ZC3H18: variants seen among roughly 807,000 people sequenced by gnomAD.
ZC3H18 encodes the protein zinc finger CCCH domain-containing protein 18.
ZC3H18 carries 8 observed loss-of-function variants against 106.1 expected under a neutral mutation model. That is an observed-to-expected ratio of 0.08 (90% CI 0.04 to 0.14). The LOEUF (loss-of-function observed/expected upper bound fraction) is 0.14. Among genes scored for constraint, ZC3H18 ranks in the 10% least tolerant of loss-of-function variants. The pLI, the probability that ZC3H18 is intolerant of heterozygous loss-of-function variation, is 1.00. For synonymous variants in ZC3H18, 635 were observed against 522.1 expected (o/e 1.22, Z -2.95); for missense variants, 1,318 against 1,278.4 (o/e 1.03, Z -0.47).
At chr16:88,570,686 G>A (rs1330567768) in intron 1 of ZC3H18, 120 bp downstream of exon 1, 2 of 151,168 alleles carry the variant, frequency 1.3e-5, no homozygotes, top group South Asian at 2.0e-4. Flanking sequence ...GCCTCCGGCC[G>A]TGCGGACCCA....
At chr16:88,580,368 G>A (rs1915050984) in intron 2 of ZC3H18, among the ~76,000 whole-genome samples, 1 of 152,130 alleles carries the variant, frequency 6.6e-6, no homozygotes, top group South Asian at 2.1e-4. Context: ...CATTGAAGGT[G>A]AGAACCTTTG....
At chr16:88,573,462 A>G (rs9927188) in intron 1 of ZC3H18, among the ~76,000 whole-genome samples, 83,799 of 151,796 alleles carry the variant, frequency 0.55, 23,768 homozygotes, top group East Asian at 0.77. Context: ...GGTGCTTTTC[A>G]TCCTTGCTTT....
intron 6 of ZC3H18, among the ~76,000 whole-genome samples, chr16:88,603,953 A>G (rs1904882478): frequency 6.6e-6 from 1 of 151,952 alleles, no homozygotes. Context: ...AAATAATAAT[A>G]ATAATAATAC....
At position 88,577,258 on chromosome 16, in the gene ZC3H18, T is replaced by C. The variant is rs890290424; in HGVS notation, c.135T>C (p.Ala45=). The C allele has an allele frequency of 1.9e-6, 3 of 1,613,538 alleles. No individual in the cohort carries two copies. Among genetic ancestry groups the C allele is most frequent in the South Asian group, 2.2e-5 (2 of 91,004 alleles). The change falls in exon 2 of 18, where the codon GCT becomes GCC. Residue 45 remains alanine (A), a synonymous_variant. Coordinates refer to ENST00000301011, the MANE Select transcript of ZC3H18 (RefSeq NM_144604.4). ...ATTTGGACGGGGCGGGGGTGAGGGC[T>C]TCTGATCTGGAGGATGAGGAAAGTG... The part of the protein sequence containing the change: ...DQDLDGAGVR[A]SDLEDEESAA...
rs1364723987 is a variant in ZC3H18 at position 88,624,967 on chromosome 16, A to G, written c.2042+222A>G. Among the ~76,000 whole-genome samples, 5 of 152,152 alleles carry G rather than the reference A, an allele frequency of 3.3e-5. No homozygotes were observed. The East Asian group carries it at 9.6e-4, about 29-fold the overall frequency. ...AAGGGGAAGGGACAGCGTGGCACGG[A>G]GCACAGGCCTTCCCGCCATGGCCCC... On this transcript the variant is annotated intron_variant, in intron 12 of 17. Coordinates refer to ENST00000301011, the MANE Select transcript of ZC3H18 (RefSeq NM_144604.4).
chr16:88,586,826 GGT>G, intron 3 of ZC3H18, 142 bp downstream of exon 3: 7 of 644,818 alleles, frequency 1.1e-5, no homozygotes, highest in East Asian at 2.7e-5. Flanking sequence ...TGGTGGTGGT[GGT>G]GGTGGTGGTG....
Position 88,611,522 on chromosome 16 carries a change from C to A in ZC3H18, c.1461C>A (p.Ser487=), listed in dbSNP as rs1567592482. Residue 487 remains serine (S), a synonymous_variant, in exon 8 of 18, where the codon TCC becomes TCA. Transcript: ENST00000301011. Reference sequence around the variant, plus strand: ...AGAAGGGGAAGCCCAAGCCCCGCTCCCCGCAGCCGCCAAGGTAGACCCTGC... The same window carrying A: ...AGAAGGGGAAGCCCAAGCCCCGCTCACCGCAGCCGCCAAGGTAGACCCTGC... ...EKEKGKPKPR[S]PQPPSRQAEP... The A allele has an allele frequency of 6.5e-7, 1 of 1,549,934 alleles. No homozygotes were observed. The highest frequency in any genetic ancestry group is 1.2e-5 in the South Asian group (1 of 83,970).
At chr16:88,622,979 C>G (rs78796265) in intron 9 of ZC3H18, 5,910 of 571,344 alleles carry the variant, frequency 0.01, 60 homozygotes, top group Admixed American at 0.015. Context: ...CAGGCACACC[C>G]CACGCCCAGG....
At chr16:88,591,785 T>G (rs1915767336) in intron 3 of ZC3H18, among the ~76,000 whole-genome samples, 1 of 152,226 alleles carries the variant, frequency 6.6e-6, no homozygotes, top group Admixed American at 6.5e-5. Context: ...CTGGTGGTTG[T>G]GTGTTTCATC....
At chr16:88,579,792 C>T (rs766601379) in intron 2 of ZC3H18, among the ~76,000 whole-genome samples, 12 of 152,184 alleles carry the variant, frequency 7.9e-5, no homozygotes, top group East Asian at 3.9e-4. Flanking sequence ...TTTCTTCCAC[C>T]GCACAGACTG....
At chr16:88,583,996 T>C (rs979630480) in intron 2 of ZC3H18, among the ~76,000 whole-genome samples, 2 of 152,226 alleles carry the variant, frequency 1.3e-5, no homozygotes, top group African/African-American at 2.4e-5. Context: ...TCTGGGTCCC[T>C]GTCTTGAGTT....
intron 1 of ZC3H18, among the ~76,000 whole-genome samples, chr16:88,575,109 G>A (rs1048855268): frequency 5.9e-5 from 9 of 151,666 alleles, no homozygotes; most frequent in African/African-American, 1.9e-4. Flanking sequence ...GATTACAGGC[G>A]TGAGCCACCG....
intron 10 of ZC3H18, 142 bp from the exon 11 acceptor site, chr16:88,623,816 C>T: frequency 7.2e-7 from 1 of 1,391,330 alleles, no homozygotes; most frequent in Non-Finnish European, 9.5e-7. Flanking sequence ...GATGACAGAA[C>T]AGTCCAGAAC....
chr16:88,590,497 A>T (rs1013097585), intron 3 of ZC3H18, among the ~76,000 whole-genome samples: 1 of 151,198 alleles, frequency 6.6e-6, no homozygotes, highest in Non-Finnish European at 1.5e-5. Context: ...CAGGACACAA[A>T]GTTCTGTCCA....
chr16:88,611,322 C>A lies in ZC3H18; in HGVS notation c.1261C>A (p.Arg421=), dbSNP rs932718004. 3.0e-6 allele frequency: 2 copies of A among 660,984 alleles called. No individual in the cohort carries two copies. The highest frequency in any genetic ancestry group is 5.5e-6 in the Non-Finnish European group (2 of 361,062). 40.9% of individuals were successfully genotyped at this position (660,984 alleles called of 1,614,324 possible). The change falls in exon 8 of 18, where the codon CGG becomes AGG. Residue 421 remains arginine, a synonymous_variant. Coordinates refer to ENST00000301011, the MANE Select transcript of ZC3H18 (RefSeq NM_144604.4). The part of the protein sequence containing the change: ...ENRQRERERE[R]ERDRERERRQ... Reference sequence around the variant, plus strand: ...CAGACAGCGCGAGCGCGAGCGGGAGCGGGAGCGGGACCGAGAGCGGGAGCG... The same window carrying A: ...CAGACAGCGCGAGCGCGAGCGGGAGAGGGAGCGGGACCGAGAGCGGGAGCG...
chr16:88,623,150 T>C (rs1906074562), intron 9 of ZC3H18, 69 bp from the exon 10 acceptor site: 1 of 1,567,532 alleles, frequency 6.4e-7, no homozygotes, highest in Non-Finnish European at 8.6e-7. Flanking sequence ...TGTGCATGTG[T>C]GCGTCAGGGC....
At chr16:88,613,674 ATTTTTTG>A (rs1417079385) in intron 8 of ZC3H18, among the ~76,000 whole-genome samples, 1 of 151,962 alleles carries the variant, frequency 6.6e-6, no homozygotes, top group Non-Finnish European at 1.5e-5. Context: ...TCCTTTGCTC[ATTTTTTG>A]TTTTTTATTA....
chr16:88,631,559 A>C lies in ZC3H18; in HGVS notation c.*260A>C. On this transcript the variant is annotated 3_prime_UTR_variant, in exon 18 of 18. Coordinates refer to ENST00000301011, the MANE Select transcript of ZC3H18 (RefSeq NM_144604.4). The stretch of plus-strand genomic sequence containing the variant: ...CAGCACGGTTCTCATGTAAATTACA[A>C]GCCCCAGCCGCCAGCCCCGCCTTCT... 1 of 577,790 alleles carries C rather than the reference A, an allele frequency of 1.7e-6. No individual in the cohort carries two copies. Among genetic ancestry groups the C allele is most frequent in the East Asian group, 3.9e-5 (1 of 25,344 alleles). The allele number at this position is 577,790 out of a possible 1,614,324, so 35.8% of individuals were successfully genotyped here. A position where few individuals can be genotyped will look rare whatever the true frequency, so the allele number is the denominator to read the frequency against.
At chr16:88,589,884 T>C (rs1476212177) in intron 3 of ZC3H18, among the ~76,000 whole-genome samples, 2 of 152,244 alleles carry the variant, frequency 1.3e-5, no homozygotes, top group African/African-American at 2.4e-5. Context: ...GTGGTGATGC[T>C]TACACAACTT....
Sources: gnomAD v4.1 joint callset for allele counts (sites outside exome capture counted in the v4.1 genomes callset) on GRCh38, gnomAD v4.1.1 for gene constraint, MANE v1.5 for transcripts, NCBI Gene and HGNC (gene_info 2026-07-23, HGNC 2026-07-21) for gene names.